ILK: variants seen among roughly 807,000 people sequenced by gnomAD.
ILK encodes the protein scaffold protein ILK.
In ILK, 37 loss-of-function variants were observed where a neutral mutation model predicts 57.8. The observed-to-expected ratio is 0.64, with a 90% CI of 0.49 to 0.84. ILK has a LOEUF of 0.84. Among genes scored for constraint, ILK ranks in the 40% least tolerant of loss-of-function variants. ILK has a pLI of 0.00. For synonymous variants in ILK, 231 were observed against 202.2 expected (o/e 1.14, Z -1.21); for missense variants, 528 against 595.7 (o/e 0.89, Z 1.18).
intron 1 of ILK, 87 bp downstream of exon 1, chr11:6,603,909 C>T (rs1337768244): frequency 1.1e-5 from 5 of 443,692 alleles, no homozygotes; most frequent in South Asian, 7.6e-5. Context: ...GGGGAGGACC[C>T]CCGGTCCCCT....
chr11:6,610,390 C>A (rs2134574302), intron 12 of ILK, 72 bp from the exon 13 acceptor site: 2 of 1,613,138 alleles, frequency 1.2e-6, no homozygotes, highest in Non-Finnish European at 1.7e-6. Flanking sequence ...GTAATCCTGT[C>A]CCAAGGGCCA....
Position 6,608,436 on chromosome 11 carries a change from G to A in ILK, c.298G>A (p.Gly100Arg), listed in dbSNP as rs745845608. Residue 100 changes from glycine to arginine, a missense_variant, in exon 4 of 13, where the codon GGG becomes AGG. By Grantham distance (125) the Gly-to-Arg change is moderately radical (BLOSUM62 -2). Transcript: ENST00000299421. The surrounding 1 kb of genome is among the most constrained non-coding windows in gnomAD (Gnocchi z 4.9). Reference protein sequence around the residue: ...KADINAVNEHGNVPLHYACFW... With the variant: ...KADINAVNEHRNVPLHYACFW... ...AGACATCAATGCAGTGAATGAACAC[G>A]GGAATGTGCCCCTGCACTATGCCTG... is the stretch of plus-strand genomic sequence containing the variant. 4 of 1,614,182 alleles carry A rather than the reference G, an allele frequency of 2.5e-6. No homozygotes were observed. The highest frequency in any genetic ancestry group is 3.4e-6 in the Non-Finnish European group (4 of 1,180,008).
intron 2 of ILK, among the ~76,000 whole-genome samples, chr11:6,605,672 C>T (rs1312076984): frequency 6.6e-6 from 1 of 152,142 alleles, no homozygotes; most frequent in Admixed American, 6.5e-5. Context: ...ACCCGCCCCA[C>T]TCTGGTAGGC....
intron 1 of ILK, 78 bp downstream of exon 1, chr11:6,603,900 G>A (rs1029285057): frequency 6.9e-6 from 3 of 432,974 alleles, no homozygotes; most frequent in African/African-American, 6.0e-5. Flanking sequence ...GCCAACCCTG[G>A]GGAGGACCCC....
At position 6,610,769 on chromosome 11, in the gene ILK, G is replaced by GCCCC. The variant is rs1564851321; in HGVS notation, c.*159_*162dup. The GCCCC allele has an allele frequency of 1.5e-6, 2 of 1,321,352 alleles. No homozygotes were observed. Among genetic ancestry groups the GCCCC allele is most frequent in the Non-Finnish European group, 2.1e-6 (2 of 930,470 alleles). The allele number at this position is 1,321,352 out of a possible 1,614,324, so 81.9% of individuals were successfully genotyped here. The stretch of plus-strand genomic sequence containing the variant: ...CCCTTCCCCCATCCCTACCACTGTG[G>GCCCC]CCCCAAGAGGGGCGGGCTCAGAGCT... On this transcript the variant is annotated 3_prime_UTR_variant, in exon 13 of 13. Transcript: ENST00000299421.
Position 6,608,511 on chromosome 11 carries a change from C to G in ILK, c.351+22C>G, listed in dbSNP as rs765560411. On this transcript the variant is annotated intron_variant, in intron 4 of 12. Coordinates refer to ENST00000299421, the MANE Select transcript of ILK (RefSeq NM_004517.4). This position sits in a 1 kb window ranked among gnomAD's most constrained non-coding sequence, Gnocchi z 4.9. ...AGAGGTGAGTACTCAGCCCTTAATT[C>G]CTGAGATGGGTAGGAAGTAAAGTCT... 6 of 1,585,290 alleles carry G rather than the reference C, an allele frequency of 3.8e-6. No individual in the cohort carries two copies. In the Admixed American group the frequency reaches 5.0e-5, roughly 13 times the overall value.
chr11:6,609,303 G>A lies in ILK; in HGVS notation c.623G>A (p.Trp208Ter). ...TAACCCCTACCTGTCCTGCAGCTAT[G>A]GAAGGGCCGCTGGCAGGGCAATGAC... ...KLNENHSGEL[W>*]KGRWQGNDIV... The change falls in exon 8 of 13, where the codon TGG becomes TAG. Residue 208 changes from tryptophan to a stop codon, truncating the protein, a stop_gained. Transcript: ENST00000299421. LOFTEE classifies it high-confidence loss of function. The A allele has an allele frequency of 6.2e-7, 1 of 1,614,014 alleles. No individual in the cohort carries two copies. Among genetic ancestry groups the A allele is most frequent in the Non-Finnish European group, 8.5e-7 (1 of 1,179,912 alleles).
Position 6,608,420 on chromosome 11 carries a change from T to C in ILK, c.282T>C (p.Asn94=), listed in dbSNP as rs143552228. 195 of 1,614,230 alleles carry C rather than the reference T, an allele frequency of 1.2e-4. No individual in the cohort carries two copies. In the African/African-American group the frequency reaches 2.4e-3, roughly 20 times the overall value. The change falls in exon 4 of 13, where the codon AAT becomes AAC. Residue 94 remains asparagine (N), a synonymous_variant. Transcript: ENST00000299421. This position sits in a 1 kb window ranked among gnomAD's most constrained non-coding sequence, Gnocchi z 4.9. ...QKLLQYKADI[N]AVNEHGNVPL... is the part of the protein sequence containing the mutation. ...TATTGCAGTACAAGGCAGACATCAATGCAGTGAATGAACACGGGAATGTGC... is the reference window on the plus strand; with the variant it reads ...TATTGCAGTACAAGGCAGACATCAACGCAGTGAATGAACACGGGAATGTGC...
In ILK at chr11:6,608,063, C is replaced by T. The variant is rs200679312; in HGVS notation, c.107C>T (p.Ser36Phe). The T allele has an allele frequency of 2.5e-6, 4 of 1,614,086 alleles. No homozygotes were observed. The highest frequency in any genetic ancestry group is 3.4e-6 in the Non-Finnish European group (4 of 1,180,012). The part of the protein sequence containing the change: ...DLNQGDDHGF[S>F]PLHWACREGR... ...CCTCAAAGGGACGATCATGGCTTCT[C>T]CCCCTTGCACTGGGCCTGCCGAGAG... The change falls in exon 3 of 13, where the codon TCC (serine) becomes TTC (phenylalanine). Residue 36 changes from serine (S) to phenylalanine (F), a missense_variant. Physicochemically the swap from Ser to Phe is radical, Grantham distance 155. Coordinates refer to ENST00000299421, the MANE Select transcript of ILK (RefSeq NM_004517.4). The surrounding 1 kb of genome is among the most constrained non-coding windows in gnomAD (Gnocchi z 4.9).
At chr11:6,609,005 AAT>A in intron 6 of ILK, 38 bp downstream of exon 6, 1 of 1,613,356 alleles carries the variant, frequency 6.2e-7, no homozygotes, top group South Asian at 1.1e-5. Flanking sequence ...TGTAAAAGGA[AAT>A]AATCCTGGCC....
chr11:6,609,615 T>C lies in ILK; in HGVS notation c.832T>C (p.Tyr278His), dbSNP rs149824696. ...ITHWMPYGSL[Y>H]NVLHEGTNFV... ...ACACTGGATGCCGTATGGATCCCTC[T>C]ACAATGTACTACATGAAGGCACCAG... is the stretch of plus-strand genomic sequence containing the variant. The change falls in exon 9 of 13, where the codon TAC becomes CAC. Residue 278 changes from tyrosine (Y) to histidine (H), a missense_variant. Physicochemically the swap from Tyr to His is moderately conservative, Grantham distance 83 (BLOSUM62 2). Transcript: ENST00000299421. The C allele has an allele frequency of 3.7e-6, 6 of 1,614,076 alleles. No individual in the cohort carries two copies. In the African/African-American group the frequency reaches 6.7e-5, roughly 18 times the overall value.
intron 1 of ILK, 149 bp from the exon 2 acceptor site, chr11:6,604,031 C>T: frequency 1.7e-6 from 1 of 597,552 alleles, no homozygotes; most frequent in Admixed American, 2.8e-5. Flanking sequence ...CTCTTCGTCA[C>T]CCCCTGCCCA....
intron 2 of ILK, 130 bp downstream of exon 2, chr11:6,604,490 G>C: frequency 1.3e-6 from 1 of 798,852 alleles, no homozygotes; most frequent in Non-Finnish European, 2.1e-6. Flanking sequence ...ATAGCCTGTG[G>C]GGGGCAGAGG....
rs774837228 is a variant in ILK, at chr11:6,608,887, G to T, written c.452G>T (p.Arg151Leu). 6.2e-7 allele frequency: 1 copy of T among 1,614,184 alleles called. No homozygotes were observed. The highest frequency in any genetic ancestry group is 2.2e-5 in the East Asian group (1 of 44,884). The change falls in exon 6 of 13, where the codon CGG (arginine) becomes CTG (leucine). Residue 151 changes from arginine to leucine, a missense_variant. Physicochemically the swap from Arg to Leu is moderately radical, Grantham distance 102 (BLOSUM62 -2). Coordinates refer to ENST00000299421, the MANE Select transcript of ILK (RefSeq NM_004517.4). This position sits in a 1 kb window ranked among gnomAD's most constrained non-coding sequence, Gnocchi z 4.9. The part of the protein sequence containing the change: ...KAPLRELLRE[R>L]AEKMGQNLNR... The stretch of plus-strand genomic sequence containing the variant: ...TTAGGTTGTTTTTCTTCCCTAGAGC[G>T]GGCAGAGAAGATGGGCCAGAATCTC...
chr11:6,609,692 C>G (rs777238244), intron 9 of ILK, 32 bp from the exon 10 acceptor site: 1 of 1,614,146 alleles, frequency 6.2e-7, no homozygotes, highest in Non-Finnish European at 8.5e-7. Context: ...GAGGGAGCCT[C>G]TCTGAACTAT....
intron 8 of ILK, 34 bp downstream of exon 8, chr11:6,609,442 C>T: frequency 6.2e-7 from 1 of 1,613,634 alleles, no homozygotes; most frequent in African/African-American, 1.3e-5. Flanking sequence ...GCTGCTAGTT[C>T]CAAGGAACCC....
At chr11:6,606,657 G>A (rs1854937750) in intron 2 of ILK, 1 of 152,292 alleles carries the variant, frequency 6.6e-6, no homozygotes, top group Admixed American at 6.5e-5. Flanking sequence ...CTGGTTTGAG[G>A]AGTAAAGTAT....
At position 6,604,288 on chromosome 11, in the gene ILK, C is replaced by T; in HGVS notation, c.17C>T (p.Thr6Ile). 1.2e-6 allele frequency: 2 copies of T among 1,612,608 alleles called. No homozygotes were observed. Among genetic ancestry groups the T allele is most frequent in the Non-Finnish European group, 1.7e-6 (2 of 1,179,672 alleles). The change falls in exon 2 of 13, where the codon ACT (threonine) becomes ATT (isoleucine). Residue 6 changes from threonine to isoleucine, a missense_variant. Coordinates refer to ENST00000299421, the MANE Select transcript of ILK (RefSeq NM_004517.4). Reference sequence around the variant, plus strand: ...GACGCTGCTATGGACGACATTTTCACTCAGTGCCGGGAGGGCAACGCAGTC... The same window carrying T: ...GACGCTGCTATGGACGACATTTTCATTCAGTGCCGGGAGGGCAACGCAGTC... MDDIF[T>I]QCREGNAVAV...
intron 2 of ILK, among the ~76,000 whole-genome samples, chr11:6,606,037 G>A (rs1468508474): frequency 6.6e-6 from 1 of 152,192 alleles, no homozygotes. Context: ...AGCCAGGCGT[G>A]GTGGCGTGCG....
Sources: allele counts gnomAD v4.1 joint callset (sites outside exome capture counted in the v4.1 genomes callset), GRCh38; gene constraint gnomAD v4.1.1; non-coding constraint Gnocchi (gnomAD v3.1); transcripts MANE v1.5; gene names NCBI Gene and HGNC (gene_info 2026-07-23, HGNC 2026-07-21).